The following SMG1 variants were observed in gnomAD, a reference collection of about 807,000 sequenced individuals.
SMG1 encodes SMG1 nonsense mediated mRNA decay associated PI3K related kinase, also known as serine/threonine-protein kinase SMG1.
SMG1 carries 22 observed loss-of-function variants against 419.9 expected under a neutral mutation model. The observed-to-expected ratio is 0.05, with a 90% CI of 0.04 to 0.07. The LOEUF (loss-of-function observed/expected upper bound fraction) is 0.07, where lower values mean the gene tolerates loss of function less well. Ranked by LOEUF, SMG1 falls within the 10% of genes least tolerant of loss-of-function variation. The probability of loss-of-function intolerance (pLI) is 1.00; values close to 1 mark genes in which losing one functional copy is unlikely to be tolerated. For missense variants in SMG1, 3,185 were observed against 4,342.0 expected, an observed-to-expected ratio of 0.73 and a Z score of 7.49; for synonymous variants, 1,538 against 1,553.5, an observed-to-expected ratio of 0.99 and a Z score of 0.23.
intron 22 of SMG1, among the ~76,000 whole-genome samples, chr16:18,867,703 T>C (rs1452699551): frequency 1.6e-4 from 8 of 50,186 alleles, no homozygotes; most frequent in Admixed American, 7.0e-4. Flanking sequence ...TTAACTTCTT[T>C]TTTTTTTTTT....
intron 54 of SMG1, among the ~76,000 whole-genome samples, chr16:18,828,703 A>G (rs1011663594): frequency 2.0e-5 from 3 of 152,246 alleles, no homozygotes; most frequent in Admixed American, 6.5e-5. Flanking sequence ...ATTCAACATT[A>G]AAAACTATAT....
chr16:18,910,768 T>C (rs1415494780), intron 1 of SMG1, among the ~76,000 whole-genome samples: 1 of 152,128 alleles, frequency 6.6e-6, no homozygotes. Flanking sequence ...TACTTAAAAC[T>C]ATCACATTGG....
At chr16:18,812,750 C>T (rs2031586366) in intron 60 of SMG1, among the ~76,000 whole-genome samples, 1 of 151,920 alleles carries the variant, frequency 6.6e-6, no homozygotes. Context: ...ATACATGTGC[C>T]ATGTTGGTGT....
At chr16:18,812,286 T>C (rs1401185844) in intron 60 of SMG1, 159 bp from the exon 61 acceptor site, 2 of 656,322 alleles carry the variant, frequency 3.0e-6, no homozygotes, top group Non-Finnish European at 4.9e-6. Context: ...CCTAAAAATG[T>C]AGCCTAAAAA....
chr16:18,821,002 T>C (rs1216871427), intron 55 of SMG1, among the ~76,000 whole-genome samples: 4 of 152,136 alleles, frequency 2.6e-5, no homozygotes, highest in Non-Finnish European at 5.9e-5. Context: ...TTCAGAAAAA[T>C]ATTCTGCTGC....
chr16:18,810,971 C>A (rs907781653), intron 62 of SMG1, among the ~76,000 whole-genome samples: 1 of 152,160 alleles, frequency 6.6e-6, no homozygotes, highest in African/African-American at 2.4e-5. Context: ...ATTCCTATAA[C>A]TTTTCTGTAG....
rs754559339 is a variant in SMG1, at chr16:18,868,235, A to G, written c.3150T>C (p.His1050=). Residue 1050 remains histidine, a synonymous_variant, in exon 22 of 63, where the codon CAT becomes CAC. Transcript: ENST00000446231. ...TCATCTCTGTAAGCAAGTCAAAGCC[A>G]TGTCTCACTGTCACTGCAGGCTGGC... The part of the protein sequence containing the change: ...LAGQPAVTVR[H]GFDLLTEMKT... 5.1e-6 allele frequency: 8 copies of G among 1,561,190 alleles called. No individual in the cohort carries two copies. The African/African-American group carries it at 5.4e-5, about 10-fold the overall frequency.
In SMG1 at chr16:18,849,352, A is replaced by C. The variant is rs767966079; in HGVS notation, c.5488T>G (p.Leu1830Val). 8 of 1,612,396 alleles carry C rather than the reference A, an allele frequency of 5.0e-6. No individual in the cohort carries two copies. The Admixed American group carries it at 6.7e-5, about 14-fold the overall frequency. The part of the protein sequence containing the change: ...RGIIPQLFSR[L>V]NHPEVYVRQS... The stretch of plus-strand genomic sequence containing the variant: ...CGCACATACACTTCAGGGTGGTTTA[A>C]GCGTGAGAAAAGTTGCGGAATAATT... Residue 1830 changes from leucine (L) to valine (V), a missense_variant, in exon 36 of 63, where the codon TTA becomes GTA. Transcript: ENST00000446231.
intron 39 of SMG1, 110 bp downstream of exon 39, chr16:18,845,319 G>A: frequency 1.1e-6 from 1 of 914,426 alleles, no homozygotes; most frequent in Non-Finnish European, 1.6e-6. Flanking sequence ...GCCTCCTATA[G>A]GCTTATAAAA....
intron 1 of SMG1, among the ~76,000 whole-genome samples, chr16:18,920,497 A>G (rs2038155400): frequency 6.6e-6 from 1 of 151,942 alleles, no homozygotes; most frequent in African/African-American, 2.4e-5. Flanking sequence ...TGACACCAGC[A>G]TGGGCAACAT....
At position 18,859,084 on chromosome 16, in the gene SMG1, TACTTAGA is replaced by T. The variant is rs1422227980; in HGVS notation, c.4044_4050del (p.Leu1349ProfsTer40). On this transcript the variant is annotated frameshift_variant, in exon 28 of 63. Transcript: ENST00000446231. LOFTEE classifies it high-confidence loss of function. ...GCAGATGAGCAATACAGCTGCAAGG[TACTTAGA>T]ACTGGCAAAGACTGTGAAACTGTTA... is the stretch of plus-strand genomic sequence containing the variant. 6.5e-7 allele frequency: 1 copy of T among 1,530,128 alleles called. No individual in the cohort carries two copies. Among genetic ancestry groups the T allele is most frequent in the African/African-American group, 1.4e-5 (1 of 72,980 alleles). 94.8% of individuals were successfully genotyped at this position (1,530,128 alleles called of 1,614,324 possible).
intron 56 of SMG1, among the ~76,000 whole-genome samples, chr16:18,819,047 G>T (rs970737339): frequency 2.0e-5 from 3 of 151,862 alleles, no homozygotes; most frequent in African/African-American, 7.3e-5. Flanking sequence ...TTGAACTCCT[G>T]ACCTTGTGAT....
In SMG1 at chr16:18,842,246, A is replaced by C. The variant is rs762390053; in HGVS notation, c.6428T>G (p.Leu2143Arg). ...AGGATAGCTCTTCCCATCTGATCCA[A>C]GAAAGAGAAGTTTCTTTGGCTTGGT... Reference protein sequence around the residue: ...TKTKPKKLLFLGSDGKSYPYL... With the variant: ...TKTKPKKLLFRGSDGKSYPYL... Residue 2143 changes from leucine (L) to arginine (R), a missense_variant, in exon 40 of 63, where the codon CTT becomes CGT. By Grantham distance (102) the Leu-to-Arg change is moderately radical (BLOSUM62 -2). Around this residue, in one of 27 missense-constraint regions of SMG1, gnomAD observed 159 missense variants for 196.0 expected, o/e 0.81. Transcript: ENST00000446231. 4.3e-6 allele frequency: 7 copies of C among 1,613,986 alleles called. 1 individual carries two copies. In the South Asian group the frequency reaches 4.4e-5, roughly 10 times the overall value.
intron 29 of SMG1, among the ~76,000 whole-genome samples, chr16:18,855,502 CTATT>C (rs2034847848): frequency 6.6e-6 from 1 of 152,200 alleles, no homozygotes; most frequent in Non-Finnish European, 1.5e-5. Context: ...CATCTACACT[CTATT>C]TATTTCAAGA....
chr16:18,812,495 A>G (rs2031509626), intron 60 of SMG1, among the ~76,000 whole-genome samples: 1 of 152,032 alleles, frequency 6.6e-6, no homozygotes, highest in African/African-American at 2.4e-5. Flanking sequence ...TTACCAAAAT[A>G]TACAATGGTA....
intron 6 of SMG1, among the ~76,000 whole-genome samples, chr16:18,886,631 G>A (rs1325738836): frequency 2.6e-5 from 4 of 151,954 alleles, no homozygotes; most frequent in South Asian, 2.1e-4. Context: ...GATGAACTCC[G>A]TCTCTACTAA....
intron 1 of SMG1, among the ~76,000 whole-genome samples, chr16:18,909,341 TC>T (rs2037704992): frequency 6.6e-6 from 1 of 150,742 alleles, no homozygotes; most frequent in South Asian, 2.1e-4. Context: ...AAACTCCATC[TC>T]AAAAAAAGGA....
At chr16:18,913,803 T>C (rs2037873406) in intron 1 of SMG1, among the ~76,000 whole-genome samples, 2 of 152,000 alleles carry the variant, frequency 1.3e-5, no homozygotes, top group African/African-American at 4.8e-5. Context: ...GTGTCTCCCC[T>C]TAATAAACAA....
In SMG1 at chr16:18,879,504, T is replaced by A. The variant is rs774894066; in HGVS notation, c.1509A>T (p.Leu503Phe). ...GTDYIISVLNLLTLIVEQINT... is the reference protein window; with the variant it reads ...GTDYIISVLNFLTLIVEQINT... ...AGAATAATTCACATACCAGCGTGAG[T>A]AAATTCAAGACTGAGATGATATAAT... is the stretch of plus-strand genomic sequence containing the variant. The change falls in exon 11 of 63, where the codon TTA (leucine) becomes TTT (phenylalanine). Residue 503 changes from leucine (L) to phenylalanine (F), a missense_variant. Transcript: ENST00000446231. 12 of 862,280 alleles carry A rather than the reference T, an allele frequency of 1.4e-5. No individual in the cohort carries two copies. The South Asian group carries it at 1.7e-4, about 12-fold the overall frequency. 53.4% of individuals were successfully genotyped at this position (862,280 alleles called of 1,614,324 possible). A position where few individuals can be genotyped will look rare whatever the true frequency, so the allele number is the denominator to read the frequency against.
Sources: allele counts gnomAD v4.1 joint callset (sites outside exome capture counted in the v4.1 genomes callset), GRCh38; gene constraint gnomAD v4.1.1; regional missense constraint gnomAD v4.1.1; transcripts MANE v1.5; gene names NCBI Gene and HGNC (gene_info 2026-07-23, HGNC 2026-07-21).